CSMD2: variants seen among roughly 807,000 people sequenced by gnomAD.
The protein encoded by CSMD2 is CUB and sushi domain-containing protein 2.
Under a neutral mutation model 398.5 loss-of-function variants are expected in CSMD2, and 130 were observed. The observed-to-expected ratio is 0.33, with a 90% confidence interval of 0.28 to 0.38. The LOEUF (loss-of-function observed/expected upper bound fraction) is 0.38. Ranked by LOEUF, CSMD2 falls within the 10% of genes least tolerant of loss-of-function variation. The pLI, the probability that CSMD2 is intolerant of heterozygous loss-of-function variation, is 1.00. For missense variants in CSMD2, 3,829 were observed against 4,764.9 expected (o/e 0.80, Z 5.78); for synonymous variants, 1,828 against 1,908.5 (o/e 0.96, Z 1.10).
intron 3 of CSMD2, among the ~76,000 whole-genome samples, chr1:34,022,909 C>A (rs544900848): frequency 6.6e-6 from 1 of 152,206 alleles, no homozygotes; most frequent in African/African-American, 2.4e-5. Context: ...ACAGCTCACT[C>A]CAGCCTCAAC....
At position 33,899,094 on chromosome 1, in the gene CSMD2, G is replaced by A. The variant is rs994193043; in HGVS notation, c.920+19000C>T. Among the ~76,000 whole-genome samples, 8 of 152,206 alleles carry A rather than the reference G, an allele frequency of 5.3e-5. No homozygotes were observed. The South Asian group carries it at 1.0e-3, about 20-fold the overall frequency. ...AGACCAGCAACGAGAAGGACGTGAC[G>A]GATGTGGCTAAATGACACGGGCCAT... On this transcript the variant is annotated intron_variant, in intron 5 of 70. Transcript: ENST00000373381.
At chr1:34,136,984 C>G (rs1638817215) in intron 1 of CSMD2, among the ~76,000 whole-genome samples, 1 of 152,086 alleles carries the variant, frequency 6.6e-6, no homozygotes, top group Non-Finnish European at 1.5e-5. Context: ...CCATCTAGCC[C>G]ATCTATTCTT....
chr1:33,671,607 G>T (rs1221748832), intron 25 of CSMD2, among the ~76,000 whole-genome samples: 1 of 152,066 alleles, frequency 6.6e-6, no homozygotes, highest in Non-Finnish European at 1.5e-5. Context: ...CCAACCAATA[G>T]CAGGCCCTAG....
intron 12 of CSMD2, among the ~76,000 whole-genome samples, chr1:33,786,743 C>T (rs1341291010): frequency 1.3e-5 from 2 of 152,144 alleles, no homozygotes; most frequent in Admixed American, 1.3e-4. Flanking sequence ...AGTCTGTCAC[C>T]CCATAAGTAT....
At chr1:33,699,425 T>C (rs990594373) in intron 23 of CSMD2, among the ~76,000 whole-genome samples, 5 of 152,238 alleles carry the variant, frequency 3.3e-5, no homozygotes, top group African/African-American at 1.2e-4. Context: ...TTCTCTCTCA[T>C]TTGTTATTCA....
chr1:33,583,858 T>G, intron 46 of CSMD2, 28 bp from the exon 47 acceptor site: 4 of 1,599,102 alleles, frequency 2.5e-6, no homozygotes, highest in Non-Finnish European at 3.4e-6. Flanking sequence ...AAACACCAAG[T>G]ACGTGGGGGT....
At chr1:34,031,608 T>G (rs542639165) in intron 3 of CSMD2, among the ~76,000 whole-genome samples, 108 of 152,046 alleles carry the variant, frequency 7.1e-4, no homozygotes, top group African/African-American at 2.5e-3. Flanking sequence ...CTATACCCCC[T>G]GCCACCAGGG....
Position 33,698,781 on chromosome 1 carries a change from G to T in CSMD2, c.3897C>A (p.Thr1299=). The T allele has an allele frequency of 6.2e-7, 1 of 1,613,582 alleles. No individual in the cohort carries two copies. ...ELLCLSGERR[T]WDRPLPTCVA... The stretch of plus-strand genomic sequence containing the variant: ...CACAGGTGGGCAGAGGCCGGTCCCA[G>T]GTCCGGCGCTCTCCACTCAGACACA... The change falls in exon 24 of 71, where the codon ACC becomes ACA. Residue 1299 remains threonine (T), a synonymous_variant. Transcript: ENST00000373381.
chr1:33,743,132 G>T, intron 14 of CSMD2, 148 bp downstream of exon 14: 1 of 636,328 alleles, frequency 1.6e-6, no homozygotes, highest in Non-Finnish European at 2.7e-6. Context: ...GGTCATGCTG[G>T]GAGCTCCATG....
chr1:33,808,424 G>A (rs937409775), intron 10 of CSMD2, among the ~76,000 whole-genome samples: 6 of 151,670 alleles, frequency 4.0e-5, no homozygotes, highest in Non-Finnish European at 7.4e-5. Context: ...CTGACCACAA[G>A]ATTTAGAAAC....
At chr1:33,589,069 C>T (rs760315448) in intron 44 of CSMD2, among the ~76,000 whole-genome samples, 8 of 152,172 alleles carry the variant, frequency 5.3e-5, no homozygotes, top group African/African-American at 9.7e-5. Flanking sequence ...TAGACGCACT[C>T]GCTGAAATGT....
At chr1:33,889,471 C>G (rs1204776223) in intron 5 of CSMD2, among the ~76,000 whole-genome samples, 2 of 152,178 alleles carry the variant, frequency 1.3e-5, no homozygotes, top group African/African-American at 2.4e-5. Flanking sequence ...CTGGAGTACA[C>G]TTTAGCAGAG....
intron 25 of CSMD2, among the ~76,000 whole-genome samples, chr1:33,682,738 G>A (rs1003889722): frequency 1.3e-5 from 2 of 152,052 alleles, no homozygotes; most frequent in African/African-American, 2.4e-5. Flanking sequence ...TATACCCTTG[G>A]TCTGCTCTAG....
At chr1:33,530,819 T>C (rs753828797) in intron 64 of CSMD2, among the ~76,000 whole-genome samples, 1 of 152,216 alleles carries the variant, frequency 6.6e-6, no homozygotes, top group Non-Finnish European at 1.5e-5. Context: ...GAGGACATTA[T>C]GTTAAGTGAA....
At chr1:33,750,408 T>G (rs1648058510) in intron 13 of CSMD2, among the ~76,000 whole-genome samples, 1 of 152,138 alleles carries the variant, frequency 6.6e-6, no homozygotes, top group African/African-American at 2.4e-5. Context: ...TTAACCTACT[T>G]TACAGAGACA....
At chr1:33,867,050 T>C (rs964505327) in intron 5 of CSMD2, among the ~76,000 whole-genome samples, 2 of 152,262 alleles carry the variant, frequency 1.3e-5, no homozygotes, top group African/African-American at 2.4e-5. Context: ...CTATTAAGTG[T>C]GGGCTGGACA....
intron 15 of CSMD2, among the ~76,000 whole-genome samples, chr1:33,728,878 G>C (rs953075439): frequency 6.6e-6 from 1 of 152,160 alleles, no homozygotes; most frequent in Non-Finnish European, 1.5e-5. Flanking sequence ...TCAAACATTG[G>C]GAGAGTAAAT....
intron 3 of CSMD2, among the ~76,000 whole-genome samples, chr1:34,023,238 G>A (rs935191518): frequency 6.6e-6 from 1 of 152,172 alleles, no homozygotes; most frequent in South Asian, 2.1e-4. Flanking sequence ...ATCTTTTGTT[G>A]GATAGTGAAT....
intron 29 of CSMD2, among the ~76,000 whole-genome samples, chr1:33,644,061 G>A (rs1285311930): frequency 6.6e-6 from 1 of 152,170 alleles, no homozygotes; most frequent in Non-Finnish European, 1.5e-5. Flanking sequence ...GGATACGTCT[G>A]TAGGATGTGC....
Sources: allele counts gnomAD v4.1 joint callset (sites outside exome capture counted in the v4.1 genomes callset), GRCh38; gene constraint gnomAD v4.1.1; transcripts MANE v1.5; gene names NCBI Gene and HGNC (gene_info 2026-07-23, HGNC 2026-07-21).